SIK3: variants seen among roughly 807,000 people sequenced by gnomAD.
SIK3 encodes the protein serine/threonine-protein kinase SIK3.
SIK3 carries 28 observed loss-of-function variants against 144.2 expected under a neutral mutation model. The ratio of observed to expected loss-of-function variants is 0.19; its 90% confidence interval spans 0.14 to 0.27. The LOEUF is 0.27. Ranked by LOEUF, SIK3 falls within the 10% of genes least tolerant of loss-of-function variation. SIK3 has a pLI of 1.00. For missense variants in SIK3, 1,319 were observed against 1,776.0 expected (o/e 0.74, Z 4.62); for synonymous variants, 686 against 676.3 (o/e 1.01, Z -0.22).
chr11:117,055,436 A>T (rs1479784939), intron 1 of SIK3, among the ~76,000 whole-genome samples: 1 of 152,260 alleles, frequency 6.6e-6, no homozygotes, highest in East Asian at 1.9e-4. Flanking sequence ...AAACAGAAAC[A>T]TAGAGACAAA....
intron 1 of SIK3, among the ~76,000 whole-genome samples, chr11:117,066,401 G>T (rs1459735953): frequency 1.4e-5 from 2 of 148,074 alleles, no homozygotes; most frequent in African/African-American, 5.0e-5. Context: ...AGACACTGCT[G>T]AAAGAATGAA....
chr11:116,875,750 G>C, intron 9 of SIK3, 116 bp downstream of exon 9: 1 of 1,248,588 alleles, frequency 8.0e-7, no homozygotes, highest in South Asian at 1.5e-5. Context: ...ACAAATGGGA[G>C]GAGACAGAGG....
chr11:117,015,741 G>A (rs564459378), intron 1 of SIK3, among the ~76,000 whole-genome samples: 4 of 152,146 alleles, frequency 2.6e-5, no homozygotes, highest in Non-Finnish European at 4.4e-5. Context: ...AGCTAATTTT[G>A]TACTTTTAGT....
chr11:116,965,407 G>T (rs1001373418), intron 1 of SIK3, among the ~76,000 whole-genome samples: 18 of 151,734 alleles, frequency 1.2e-4, no homozygotes, highest in Non-Finnish European at 2.4e-4. Context: ...TGGAGGAAAA[G>T]AGAGTTGACA....
intron 6 of SIK3, among the ~76,000 whole-genome samples, chr11:116,886,975 T>C (rs1299274876): frequency 6.6e-6 from 1 of 152,178 alleles, no homozygotes; most frequent in Non-Finnish European, 1.5e-5. Flanking sequence ...AGAAGTTTAA[T>C]CCAAAAACAC....
At chr11:116,855,095 A>C (rs1371363918) in intron 21 of SIK3, among the ~76,000 whole-genome samples, 1 of 136,012 alleles carries the variant, frequency 7.4e-6, no homozygotes, top group South Asian at 2.5e-4. Context: ...AAAAAAAAAA[A>C]AAAAAAAAAA....
rs200176770 is a variant in SIK3, at chr11:116,927,091, T to TC, written c.616+127dup. On this transcript the variant is annotated intron_variant, in intron 4 of 24. Coordinates refer to ENST00000445177, the MANE Select transcript of SIK3 (RefSeq NM_001366686.3). The stretch of plus-strand genomic sequence containing the variant: ...ATCAATTTTCAGGCTATTTTTTTTT[T>TC]CATCTTAAATTGTCCTTACTTTCAC... 1,144 of 639,694 alleles carry TC rather than the reference T, an allele frequency of 1.8e-3. 18 individuals are homozygous for TC. In the African/African-American group the frequency reaches 0.019, roughly 11 times the overall value. The allele number at this position is 639,694 out of a possible 1,614,324, so 39.6% of individuals were successfully genotyped here.
At chr11:117,029,559 T>C (rs537000517) in intron 1 of SIK3, among the ~76,000 whole-genome samples, 50 of 151,932 alleles carry the variant, frequency 3.3e-4, no homozygotes, top group Non-Finnish European at 6.2e-4. Flanking sequence ...AAGACACCAA[T>C]GCAGCAGTAC....
At chr11:116,980,611 G>A (rs994466037) in intron 1 of SIK3, among the ~76,000 whole-genome samples, 4 of 152,098 alleles carry the variant, frequency 2.6e-5, no homozygotes, top group African/African-American at 7.2e-5. Context: ...CCAGCACTTC[G>A]GGAGGCCGAA....
chr11:116,974,347 T>C (rs1443782541), intron 1 of SIK3, among the ~76,000 whole-genome samples: 1 of 152,214 alleles, frequency 6.6e-6, no homozygotes, highest in Admixed American at 6.5e-5. Flanking sequence ...ATTTCTTCAC[T>C]AGACTCACTA....
intron 1 of SIK3, among the ~76,000 whole-genome samples, chr11:117,012,849 C>CTTTTTTTT (rs10652499): frequency 1.4e-4 from 13 of 96,104 alleles, no homozygotes; most frequent in African/African-American, 4.2e-4. Context: ...GCCATTACTG[C>CTTTTTTTT]TTTTTTTTTT....
intron 1 of SIK3, among the ~76,000 whole-genome samples, chr11:117,040,811 C>T (rs1952705365): frequency 6.6e-6 from 1 of 152,118 alleles, no homozygotes; most frequent in South Asian, 2.1e-4. Flanking sequence ...ATACTATCAT[C>T]ATATTTTCTT....
intron 21 of SIK3, among the ~76,000 whole-genome samples, chr11:116,850,626 C>A (rs17173881): frequency 0.068 from 10,424 of 152,262 alleles, 1,183 homozygotes; most frequent in African/African-American, 0.24. Flanking sequence ...ACTATAAATT[C>A]TTTGCAGGCA....
chr11:117,023,516 T>A lies in SIK3; in HGVS notation c.274-66452A>T, dbSNP rs554369028. 9.4e-5 allele frequency among the ~76,000 whole-genome samples: 14 copies of A among 148,818 alleles called. No individual in the cohort carries two copies. The South Asian group carries it at 3.0e-3, about 32-fold the overall frequency. Reference sequence around the variant, plus strand: ...GACCTACTGGGCTCAAGTGATCCTCTAGTCTCAACCTCCCTGGTAGATGGG... The same window carrying A: ...GACCTACTGGGCTCAAGTGATCCTCAAGTCTCAACCTCCCTGGTAGATGGG... On this transcript the variant is annotated intron_variant, in intron 1 of 24. Transcript: ENST00000445177.
chr11:117,082,008 T>C (rs1954812086), intron 1 of SIK3, among the ~76,000 whole-genome samples: 1 of 152,208 alleles, frequency 6.6e-6, no homozygotes, highest in Non-Finnish European at 1.5e-5. Flanking sequence ...AAAGGAAATA[T>C]ACAAATGATC....
intron 3 of SIK3, among the ~76,000 whole-genome samples, chr11:116,942,454 A>T (rs1948365067): frequency 6.6e-6 from 1 of 152,230 alleles, no homozygotes; most frequent in South Asian, 2.1e-4. Flanking sequence ...CGTAAATTTT[A>T]TTGACTCAAG....
intron 3 of SIK3, among the ~76,000 whole-genome samples, chr11:116,946,338 CCT>C (rs1348214892): frequency 6.6e-6 from 1 of 151,994 alleles, no homozygotes; most frequent in Non-Finnish European, 1.5e-5. Context: ...ATAGGAAACC[CCT>C]CTGTCAGAGA....
chr11:117,048,953 T>A (rs986696068), intron 1 of SIK3, among the ~76,000 whole-genome samples: 2 of 151,740 alleles, frequency 1.3e-5, no homozygotes, highest in Admixed American at 1.3e-4. Flanking sequence ...ATACAAAAAT[T>A]AGCTGGGCGT....
rs370753141 is a variant in SIK3 at position 116,896,238 on chromosome 11, T to C, written c.865+15A>G. The C allele has an allele frequency of 3.5e-5, 56 of 1,612,834 alleles. No individual in the cohort carries two copies. Among genetic ancestry groups the C allele is most frequent in the Non-Finnish European group, 4.5e-5 (53 of 1,179,240 alleles). Reference sequence around the variant, plus strand: ...CATGAACCCATTCATAGCTGTGTGCTAGCGACTCCCTTACCTGTGGACATA... The same window carrying C: ...CATGAACCCATTCATAGCTGTGTGCCAGCGACTCCCTTACCTGTGGACATA... On this transcript the variant is annotated intron_variant, in intron 6 of 24. Coordinates refer to ENST00000445177, the MANE Select transcript of SIK3 (RefSeq NM_001366686.3).
Sources: gnomAD v4.1 joint callset for allele counts (sites outside exome capture counted in the v4.1 genomes callset) on GRCh38, gnomAD v4.1.1 for gene constraint, MANE v1.5 for transcripts, NCBI Gene and HGNC (gene_info 2026-07-23, HGNC 2026-07-21) for gene names.